Variants in LNX1 observed in about 807,000 individuals in gnomAD.
The protein encoded by LNX1 is ligand of numb-protein X 1.
A neutral mutation model predicts 68.4 loss-of-function variants in LNX1; 54 were observed. That is an observed-to-expected ratio of 0.79 (90% confidence interval 0.63 to 0.99). The LOEUF is 0.99. Among genes scored for constraint, LNX1 ranks in the 50% least tolerant of loss-of-function variants. The pLI is 0.00. For synonymous variants in LNX1, 336 were observed against 350.0 expected, an observed-to-expected ratio of 0.96 and a Z score of 0.45; for missense variants, 906 against 926.4, an observed-to-expected ratio of 0.98 and a Z score of 0.29.
At position 53,553,626 on chromosome 4, in the gene LNX1, A is replaced by G. The variant is rs1729672442; in HGVS notation, c.380+19997T>C. ...TCCCAGATTCCCTTTGGGGTCTAGGAAATTCAAAAAGAATGTTCATGGAGG... is the reference window on the plus strand; with the variant it reads ...TCCCAGATTCCCTTTGGGGTCTAGGGAATTCAAAAAGAATGTTCATGGAGG... On this transcript the variant is annotated intron_variant, in intron 2 of 10. Coordinates refer to ENST00000263925, the MANE Select transcript of LNX1 (RefSeq NM_001126328.3). Among the ~76,000 whole-genome samples, 3 of 152,190 alleles carry G rather than the reference A, an allele frequency of 2.0e-5. No individual in the cohort carries two copies. The South Asian group carries it at 6.2e-4, about 31-fold the overall frequency.
intron 2 of LNX1, among the ~76,000 whole-genome samples, chr4:53,518,774 C>T (rs1422443196): frequency 2.1e-5 from 3 of 145,326 alleles, no homozygotes; most frequent in Admixed American, 1.4e-4. Context: ...AGGCCATGCA[C>T]CCTGGTGGCT....
At chr4:53,471,150 C>T (rs1050902636) in intron 9 of LNX1, among the ~76,000 whole-genome samples, 1 of 148,240 alleles carries the variant, frequency 6.7e-6, no homozygotes, top group Admixed American at 6.8e-5. Context: ...GAGATATAGA[C>T]CAATGGAACA....
chr4:53,598,090 C>T (rs986878849), intron 2 of LNX1, among the ~76,000 whole-genome samples: 2 of 152,172 alleles, frequency 1.3e-5, no homozygotes, highest in African/African-American at 2.4e-5. Flanking sequence ...GAGATTCAGT[C>T]CCAGGCAGTA....
At chr4:53,548,889 C>T (rs1729300984) in intron 2 of LNX1, among the ~76,000 whole-genome samples, 1 of 152,132 alleles carries the variant, frequency 6.6e-6, no homozygotes, top group Non-Finnish European at 1.5e-5. Context: ...ATGGACGGAG[C>T]TGGAGGCTAC....
chr4:53,498,764 G>T lies in LNX1; in HGVS notation c.855C>A (p.Ser285Arg). The change falls in exon 5 of 11, where the codon AGC becomes AGA. Residue 285 changes from serine to arginine, a missense_variant. Transcript: ENST00000263925. ...TACCTCCCACCAGCCTAATAGAGAG[G>T]CTTTCACTGGGATCTACTCGATTGA... ...IKINRVDPSE[S>R]LSIRLVGGSE... 6.2e-7 allele frequency: 1 copy of T among 1,613,914 alleles called. No homozygotes were observed. Among genetic ancestry groups the T allele is most frequent in the African/African-American group, 1.3e-5 (1 of 75,010 alleles).
intron 2 of LNX1, among the ~76,000 whole-genome samples, chr4:53,514,477 G>A (rs1178756983): frequency 1.5e-5 from 2 of 129,536 alleles, no homozygotes; most frequent in East Asian, 2.3e-4. Context: ...CTCATATGGC[G>A]GCAGGCAAGA....
intron 9 of LNX1, among the ~76,000 whole-genome samples, chr4:53,466,601 T>G (rs920914126): frequency 5.9e-5 from 9 of 151,996 alleles, no homozygotes; most frequent in African/African-American, 2.2e-4. Flanking sequence ...AAGAAAGGGG[T>G]GACAGACGGC....
intron 2 of LNX1, among the ~76,000 whole-genome samples, chr4:53,567,679 A>G (rs1298486467): frequency 1.3e-5 from 2 of 152,176 alleles, no homozygotes; most frequent in Non-Finnish European, 2.9e-5. Context: ...GACACAAAAA[A>G]CCCTTCAAAA....
chr4:53,567,634 A>T (rs2109759612), intron 2 of LNX1, among the ~76,000 whole-genome samples: 1 of 152,244 alleles, frequency 6.6e-6, no homozygotes, highest in South Asian at 2.1e-4. Context: ...AAGGCAAGAA[A>T]TAACTAAAAT....
At chr4:53,570,722 A>T (rs983951838) in intron 2 of LNX1, among the ~76,000 whole-genome samples, 7 of 151,176 alleles carry the variant, frequency 4.6e-5, no homozygotes, top group African/African-American at 1.7e-4. Flanking sequence ...CATCTTGCAT[A>T]TTTTCAAAAA....
intron 1 of LNX1, among the ~76,000 whole-genome samples, chr4:53,651,095 C>T (rs935616114): frequency 6.6e-6 from 1 of 152,132 alleles, no homozygotes; most frequent in African/African-American, 2.4e-5. Context: ...GAAGTAGAAC[C>T]AAGAATCAAG....
chr4:53,495,547 G>GTTTTTTTTTTTTTTTTTTTT (rs1560626438), intron 6 of LNX1, among the ~76,000 whole-genome samples: 1 of 79,152 alleles, frequency 1.3e-5, no homozygotes, highest in Non-Finnish European at 2.5e-5. Context: ...GCATGGCATA[G>GTTTTTTTTTTTTTTTTTTTT]CTTTTTTTTT....
intron 2 of LNX1, among the ~76,000 whole-genome samples, chr4:53,510,460 A>T (rs1726245952): frequency 6.6e-6 from 1 of 152,202 alleles, no homozygotes; most frequent in Non-Finnish European, 1.5e-5. Context: ...CCTCCAACTT[A>T]CACTGCTAGT....
At position 53,459,669 on chromosome 4, in the gene LNX1, T is replaced by C. The variant is rs1338111653; in HGVS notation, c.*1238A>G. 3.3e-6 allele frequency: 2 copies of C among 598,254 alleles called. No homozygotes were observed. Among genetic ancestry groups the C allele is most frequent in the South Asian group, 4.1e-5 (2 of 48,888 alleles). 37.1% of individuals were successfully genotyped at this position (598,254 alleles called of 1,614,324 possible). The stretch of plus-strand genomic sequence containing the variant: ...AAATAAAAAGACAGCAATGACTTTA[T>C]ATCCAAGAAAGGAATGTGAATGAGT... On this transcript the variant is annotated 3_prime_UTR_variant, in exon 11 of 11. Coordinates refer to ENST00000263925, the MANE Select transcript of LNX1 (RefSeq NM_001126328.3).
chr4:53,526,451 T>C (rs1458905248), intron 2 of LNX1, among the ~76,000 whole-genome samples: 1 of 73,760 alleles, frequency 1.4e-5, no homozygotes, highest in Non-Finnish European at 2.8e-5. Flanking sequence ...GAATGCCTAC[T>C]TTTTGGAAGA....
chr4:53,481,011 A>G (rs1219370554), intron 7 of LNX1, among the ~76,000 whole-genome samples: 1 of 152,216 alleles, frequency 6.6e-6, no homozygotes, highest in East Asian at 1.9e-4. Flanking sequence ...TGGACTAAAC[A>G]AGGTTTGTGT....
chr4:53,502,299 C>T (rs1725561940), intron 4 of LNX1, among the ~76,000 whole-genome samples: 1 of 117,774 alleles, frequency 8.5e-6, no homozygotes, highest in South Asian at 2.5e-4. Context: ...TACAGGCATA[C>T]CTCTGAGATA....
At chr4:53,526,338 A>T (rs1228509791) in intron 2 of LNX1, among the ~76,000 whole-genome samples, 1 of 152,186 alleles carries the variant, frequency 6.6e-6, no homozygotes, top group Non-Finnish European at 1.5e-5. Flanking sequence ...GCTACTTCTG[A>T]ATCGTTTTCA....
chr4:53,463,186 T>C (rs867546770), intron 9 of LNX1, among the ~76,000 whole-genome samples: 4 of 152,128 alleles, frequency 2.6e-5, no homozygotes, highest in South Asian at 4.1e-4. Context: ...TTACGTGTTC[T>C]AGTTCAAAGC....
Sources: allele counts gnomAD v4.1 joint callset (sites outside exome capture counted in the v4.1 genomes callset), GRCh38; gene constraint gnomAD v4.1.1; transcripts MANE v1.5; gene names NCBI Gene and HGNC (gene_info 2026-07-23, HGNC 2026-07-21).